Variants in CDH12 observed in about 807,000 individuals in gnomAD.
The protein encoded by CDH12 is cadherin-12.
CDH12 carries 41 observed loss-of-function variants against 74.1 expected under a neutral mutation model. The ratio of observed to expected loss-of-function variants is 0.55; its 90% confidence interval spans 0.43 to 0.72. The LOEUF is 0.72. Ranked by LOEUF, CDH12 falls within the 30% of genes least tolerant of loss-of-function variation. CDH12 has a pLI of 0.00. For missense variants in CDH12, 945 were observed against 977.2 expected, an observed-to-expected ratio of 0.97 and a Z score of 0.44; for synonymous variants, 399 against 355.0, an observed-to-expected ratio of 1.12 and a Z score of -1.39.
At chr5:22,680,985 A>C (rs1397708864) in intron 1 of CDH12, among the ~76,000 whole-genome samples, 1 of 151,996 alleles carries the variant, frequency 6.6e-6, no homozygotes, top group Non-Finnish European at 1.5e-5. Context: ...ATATTTTTAA[A>C]AGTTTGAGGT....
intron 4 of CDH12, among the ~76,000 whole-genome samples, chr5:22,176,073 T>C (rs575386170): frequency 6.6e-6 from 1 of 152,124 alleles, no homozygotes; most frequent in Admixed American, 6.6e-5. Context: ...ATTGAGCAAC[T>C]GGGCTCATTT....
intron 1 of CDH12, among the ~76,000 whole-genome samples, chr5:22,516,755 A>C (rs1022608672): frequency 1.6e-4 from 24 of 152,174 alleles, no homozygotes; most frequent in African/African-American, 5.5e-4. Flanking sequence ...TGATGGTGCC[A>C]CTGCACTCTA....
intron 1 of CDH12, among the ~76,000 whole-genome samples, chr5:22,732,853 A>C (rs1744503483): frequency 6.6e-6 from 1 of 151,912 alleles, no homozygotes; most frequent in Non-Finnish European, 1.5e-5. Context: ...GTGAGACAAT[A>C]AATGTCCATT....
At chr5:21,852,229 G>A (rs1353387856) in intron 7 of CDH12, among the ~76,000 whole-genome samples, 1 of 151,316 alleles carries the variant, frequency 6.6e-6, no homozygotes, top group Admixed American at 6.6e-5. Flanking sequence ...TTCCTGCCTA[G>A]TGGTCTAAGG....
intron 2 of CDH12, among the ~76,000 whole-genome samples, chr5:22,473,940 C>G (rs1196717834): frequency 6.6e-6 from 1 of 151,994 alleles, no homozygotes; most frequent in Non-Finnish European, 1.5e-5. Context: ...GAAAAATGCC[C>G]TGAGACATAG....
chr5:22,044,099 T>C (rs1212258773), intron 5 of CDH12, among the ~76,000 whole-genome samples: 1 of 152,058 alleles, frequency 6.6e-6, no homozygotes, highest in Non-Finnish European at 1.5e-5. Context: ...AAAAATCACA[T>C]GGAACCACAA....
chr5:22,768,782 G>A (rs1746655193), intron 1 of CDH12, among the ~76,000 whole-genome samples: 1 of 151,916 alleles, frequency 6.6e-6, no homozygotes, highest in African/African-American at 2.4e-5. Context: ...AATTATCTAG[G>A]TATAAACTAA....
At chr5:22,663,449 C>T (rs1740449848) in intron 1 of CDH12, among the ~76,000 whole-genome samples, 2 of 152,100 alleles carry the variant, frequency 1.3e-5, no homozygotes, top group African/African-American at 2.4e-5. Context: ...ATTATTTTTG[C>T]AGTTTACTTT....
chr5:22,210,669 C>T (rs1382751115), intron 4 of CDH12, among the ~76,000 whole-genome samples: 1 of 152,014 alleles, frequency 6.6e-6, no homozygotes, highest in Non-Finnish European at 1.5e-5. Context: ...TCAGACACTT[C>T]AGTGGTCAAT....
At chr5:22,420,045 T>A (rs1261384) in intron 2 of CDH12, among the ~76,000 whole-genome samples, 59,708 of 151,826 alleles carry the variant, frequency 0.39, 12,244 homozygotes, top group Admixed American at 0.49. Flanking sequence ...TGTAAATTTG[T>A]TTAAGTTACT....
chr5:21,950,953 A>AT (rs972435962), intron 6 of CDH12, among the ~76,000 whole-genome samples: 4 of 150,478 alleles, frequency 2.7e-5, no homozygotes, highest in African/African-American at 4.9e-5. Context: ...CGCCCAGCTA[A>AT]TTTTTTTGTG....
chr5:22,390,966 A>G (rs13359749), intron 3 of CDH12, among the ~76,000 whole-genome samples: 6,551 of 152,246 alleles, frequency 0.043, 314 homozygotes, highest in East Asian at 0.12. Flanking sequence ...CTGGCATTAG[A>G]TCTGCTTTGG....
intron 4 of CDH12, among the ~76,000 whole-genome samples, chr5:22,102,158 T>G (rs540541577): frequency 6.6e-6 from 1 of 152,310 alleles, no homozygotes; most frequent in South Asian, 2.1e-4. Flanking sequence ...ACTGTTATGT[T>G]TGTTTAATTT....
intron 3 of CDH12, among the ~76,000 whole-genome samples, chr5:22,292,583 C>A (rs758670470): frequency 6.6e-6 from 1 of 151,644 alleles, no homozygotes; most frequent in Non-Finnish European, 1.5e-5. Flanking sequence ...CAAATTGCCC[C>A]AATTCAAAAT....
chr5:22,204,162 G>GGTTTT (rs1554020485), intron 4 of CDH12, among the ~76,000 whole-genome samples: 5 of 129,840 alleles, frequency 3.9e-5, no homozygotes, highest in Admixed American at 7.6e-5. Context: ...TGTTTTGTTT[G>GGTTTT]TTTTTTTTTT....
intron 4 of CDH12, among the ~76,000 whole-genome samples, chr5:22,116,991 G>A (rs1194135928): frequency 6.9e-6 from 1 of 145,344 alleles, no homozygotes; most frequent in Non-Finnish European, 1.5e-5. Flanking sequence ...TTGTTTCTTG[G>A]TCAAGAAATG....
At chr5:22,406,335 T>G (rs924616671) in intron 2 of CDH12, among the ~76,000 whole-genome samples, 2 of 152,160 alleles carry the variant, frequency 1.3e-5, no homozygotes, top group Non-Finnish European at 2.9e-5. Flanking sequence ...CTAGGTATCG[T>G]CAATCCTGTA....
At chr5:22,476,776 A>G (rs1390779466) in intron 2 of CDH12, among the ~76,000 whole-genome samples, 1 of 152,160 alleles carries the variant, frequency 6.6e-6, no homozygotes, top group Non-Finnish European at 1.5e-5. Context: ...TATAATATTC[A>G]CTATATAGGG....
At chr5:22,271,792 CT>C (rs35369621) in intron 3 of CDH12, among the ~76,000 whole-genome samples, 39 of 150,306 alleles carry the variant, frequency 2.6e-4, no homozygotes, top group Non-Finnish European at 4.6e-4. Flanking sequence ...TGAAATAAAT[CT>C]TTTTTTTTTC....
Sources: allele counts gnomAD v4.1 joint callset (sites outside exome capture counted in the v4.1 genomes callset), GRCh38; gene constraint gnomAD v4.1.1; transcripts MANE v1.5; gene names NCBI Gene and HGNC (gene_info 2026-07-23, HGNC 2026-07-21).